The following LUZP1 variants were observed in gnomAD, a reference collection of about 807,000 sequenced individuals.
The protein encoded by LUZP1 is filamin mechanobinding actin cross-linking protein.
A neutral mutation model predicts 71.3 loss-of-function variants in LUZP1; 25 were observed. The observed-to-expected ratio is 0.35, with a 90% CI of 0.26 to 0.49. The LOEUF (loss-of-function observed/expected upper bound fraction) is 0.49. Ranked by LOEUF, LUZP1 falls within the 20% of genes least tolerant of loss-of-function variation. The probability of loss-of-function intolerance (pLI) is 0.99; values close to 1 mark genes in which losing one functional copy is unlikely to be tolerated. For synonymous variants in LUZP1, 481 were observed against 506.4 expected, an observed-to-expected ratio of 0.95 and a Z score of 0.67; for missense variants, 1,142 against 1,300.8, an observed-to-expected ratio of 0.88 and a Z score of 1.88.
intron 3 of LUZP1, among the ~76,000 whole-genome samples, chr1:23,102,988 G>C (rs1643943500): frequency 6.6e-6 from 1 of 151,926 alleles, no homozygotes; most frequent in Non-Finnish European, 1.5e-5. Context: ...CTGTCATGCA[G>C]TGGAGCAATC....
At position 23,093,050 on chromosome 1, in the gene LUZP1, G is replaced by A. The variant is rs761861925; in HGVS notation, c.1212C>T (p.Asn404=). The change falls in exon 4 of 5, where the codon AAC becomes AAT. Residue 404 remains asparagine (N), a synonymous_variant. Transcript: ENST00000302291. This position sits in a 1 kb window ranked among gnomAD's most constrained non-coding sequence, Gnocchi z 4.2. The stretch of plus-strand genomic sequence containing the variant: ...TTTCATTGTTGAGAGCAAACTCCCT[G>A]TTCCGGAGTCGTTCCCGCTTATGCT... The A allele has an allele frequency of 1.9e-5, 30 of 1,614,130 alleles. 1 individual carries two copies. The South Asian group carries it at 3.2e-4, about 17-fold the overall frequency.
chr1:23,136,647 G>A (rs909305221), intron 2 of LUZP1, among the ~76,000 whole-genome samples: 2 of 151,336 alleles, frequency 1.3e-5, no homozygotes, highest in East Asian at 2.0e-4. Flanking sequence ...GGTGGCTCAC[G>A]CCTGTAATCC....
intron 2 of LUZP1, among the ~76,000 whole-genome samples, chr1:23,168,102 C>T (rs931768525): frequency 6.7e-6 from 1 of 148,740 alleles, no homozygotes; most frequent in East Asian, 2.0e-4. Flanking sequence ...CAGCAGAGCG[C>T]CCGGGACGCG....
At chr1:23,144,718 G>A (rs1030535714) in intron 2 of LUZP1, among the ~76,000 whole-genome samples, 1 of 152,152 alleles carries the variant, frequency 6.6e-6, no homozygotes, top group East Asian at 1.9e-4. Context: ...AAGAAGAAAG[G>A]AGTAGCCAGC....
At chr1:23,146,010 T>A (rs1435007606) in intron 2 of LUZP1, among the ~76,000 whole-genome samples, 1 of 152,078 alleles carries the variant, frequency 6.6e-6, no homozygotes, top group Non-Finnish European at 1.5e-5. Flanking sequence ...TAATTTGAAT[T>A]CTTTGTCCTC....
intron 2 of LUZP1, among the ~76,000 whole-genome samples, chr1:23,125,201 C>T (rs1048142942): frequency 2.0e-5 from 3 of 152,166 alleles, no homozygotes; most frequent in African/African-American, 7.2e-5. Context: ...GATATGCTTA[C>T]AACCCGACAG....
intron 2 of LUZP1, among the ~76,000 whole-genome samples, chr1:23,167,429 G>C (rs778653385): frequency 6.6e-6 from 1 of 152,150 alleles, no homozygotes; most frequent in Non-Finnish European, 1.5e-5. Context: ...AAGGCACCAA[G>C]GGCTCAGCAG....
At chr1:23,175,188 T>G (rs1398772222) in intron 1 of LUZP1, among the ~76,000 whole-genome samples, 1 of 152,058 alleles carries the variant, frequency 6.6e-6, no homozygotes, top group Non-Finnish European at 1.5e-5. Flanking sequence ...CCAAGACATG[T>G]GCAACATCAA....
At chr1:23,135,944 T>C (rs1201483336) in intron 2 of LUZP1, among the ~76,000 whole-genome samples, 2 of 152,112 alleles carry the variant, frequency 1.3e-5, no homozygotes, top group South Asian at 2.1e-4. Flanking sequence ...ATACTGGAAA[T>C]AGTGGTGAAC....
chr1:23,110,938 G>A (rs570918943), intron 2 of LUZP1, among the ~76,000 whole-genome samples: 35 of 152,078 alleles, frequency 2.3e-4, no homozygotes, highest in African/African-American at 6.5e-4. Flanking sequence ...GGTGACTCAC[G>A]CCTGTAATCC....
At chr1:23,160,458 G>C (rs1214305593) in intron 2 of LUZP1, among the ~76,000 whole-genome samples, 3 of 152,166 alleles carry the variant, frequency 2.0e-5, no homozygotes, top group African/African-American at 7.2e-5. Flanking sequence ...TTCTACACCA[G>C]TGACAAGTTC....
chr1:23,139,019 A>AAAT lies in LUZP1; in HGVS notation c.-226+29746_-226+29747insATT, dbSNP rs1317355746. On this transcript the variant is annotated intron_variant, in intron 2 of 4. Coordinates refer to ENST00000302291, the Ensembl canonical transcript of LUZP1. ...TCTCAAAAAAAAAAAAAAAAAAAAA[A>AAAT]ATATATATATATATATATATATATA... 6.2e-4 allele frequency among the ~76,000 whole-genome samples: 37 copies of AAAT among 59,960 alleles called. 1 individual carries two copies. The highest frequency in any genetic ancestry group is 8.1e-4 in the East Asian group (2 of 2,470). The allele number at this position is 59,960 out of a possible 152,430, so 39.3% of individuals were successfully genotyped here. A position where few individuals can be genotyped will look rare whatever the true frequency, so the allele number is the denominator to read the frequency against.
At chr1:23,087,593 T>C (rs910120940) in exon 5 of LUZP1, 1 of 152,636 alleles carries the variant, frequency 6.6e-6, no homozygotes, top group Non-Finnish European at 1.5e-5. Flanking sequence ...GTCTACTTCA[T>C]AAAGGTAGCC....
chr1:23,142,569 T>C (rs1306779085), intron 2 of LUZP1, among the ~76,000 whole-genome samples: 4 of 151,940 alleles, frequency 2.6e-5, no homozygotes, highest in Non-Finnish European at 5.9e-5. Flanking sequence ...AATCGGACTT[T>C]AGGGTATGAT....
chr1:23,107,717 G>A (rs1443979928), intron 3 of LUZP1, among the ~76,000 whole-genome samples: 1 of 152,152 alleles, frequency 6.6e-6, no homozygotes, highest in South Asian at 2.1e-4. Context: ...CAGGAGAATC[G>A]CTTGAGCCCA....
chr1:23,163,143 G>A (rs1023109169), intron 2 of LUZP1, among the ~76,000 whole-genome samples: 3 of 151,314 alleles, frequency 2.0e-5, no homozygotes, highest in African/African-American at 2.4e-5. Flanking sequence ...GGGAGGCTGA[G>A]GGAGAAGAAT....
At chr1:23,088,882 A>G (rs1290322815) in exon 5 of LUZP1, 1 of 1,612,550 alleles carries the variant, frequency 6.2e-7, no homozygotes, top group Non-Finnish European at 8.5e-7. Context: ...CAGACAACAG[A>G]CACCCAGCGG....
intron 1 of LUZP1, among the ~76,000 whole-genome samples, chr1:23,170,766 C>T (rs904275598): frequency 1.3e-4 from 20 of 152,156 alleles, no homozygotes; most frequent in Middle Eastern, 3.4e-3. Flanking sequence ...CACATCAGGC[C>T]CCTGTCATTC....
chr1:23,121,641 GCCCC>G (rs1644130435), intron 2 of LUZP1, among the ~76,000 whole-genome samples: 40 of 152,144 alleles, frequency 2.6e-4, no homozygotes, highest in Admixed American at 2.6e-3. Context: ...GATAGCTTAA[GCCCC>G]AGAGGTCAAG....
Sources: gnomAD v4.1 joint callset for allele counts (sites outside exome capture counted in the v4.1 genomes callset) on GRCh38, gnomAD v4.1.1 for gene constraint, Gnocchi (gnomAD v3.1) non-coding constraint, MANE v1.5 for transcripts, NCBI Gene and HGNC (gene_info 2026-07-23, HGNC 2026-07-21) for gene names.